The following EP400 variants were observed in gnomAD, a reference collection of about 807,000 sequenced individuals.
EP400 encodes E1A binding protein p400, also known as E1A-binding protein p400.
A neutral mutation model predicts 354.1 loss-of-function variants in EP400; 105 were observed. The ratio of observed to expected loss-of-function variants is 0.30; its 90% CI spans 0.25 to 0.35. The LOEUF (loss-of-function observed/expected upper bound fraction) is 0.35. Ranked by LOEUF, EP400 falls within the 10% of genes least tolerant of loss-of-function variation. The pLI, the probability that EP400 is intolerant of heterozygous loss-of-function variation, is 1.00. For missense variants in EP400, 3,280 were observed against 4,121.0 expected (o/e 0.80, Z 5.59); for synonymous variants, 1,646 against 1,716.9 (o/e 0.96, Z 1.02).
chr12:132,036,055 C>G (rs770519998), intron 30 of EP400, among the ~76,000 whole-genome samples: 1 of 148,108 alleles, frequency 6.8e-6, no homozygotes, highest in Non-Finnish European at 1.5e-5. Context: ...CAGGTTCACA[C>G]GGAACGTCTT....
At chr12:132,004,713 C>T (rs1330586272) in intron 12 of EP400, among the ~76,000 whole-genome samples, 2 of 152,166 alleles carry the variant, frequency 1.3e-5, no homozygotes, top group African/African-American at 4.8e-5. Context: ...TTCAGGGGTG[C>T]AAGTACAGTG....
intron 51 of EP400, 85 bp downstream of exon 51, chr12:132,069,726 C>A: frequency 6.4e-7 from 1 of 1,564,434 alleles, no homozygotes; most frequent in Non-Finnish European, 8.7e-7. Context: ...TTTGCGAGCT[C>A]CCAGCCCTTG....
chr12:131,970,601 G>C (rs972078087), intron 2 of EP400, among the ~76,000 whole-genome samples: 1 of 152,218 alleles, frequency 6.6e-6, no homozygotes, highest in South Asian at 2.1e-4. Flanking sequence ...TACTAATAGA[G>C]CACCCAGTGC....
At chr12:131,955,227 T>A (rs1048729759) in intron 1 of EP400, among the ~76,000 whole-genome samples, 4 of 152,216 alleles carry the variant, frequency 2.6e-5, no homozygotes, top group African/African-American at 9.6e-5. Context: ...GGCTATAACA[T>A]CACTGAGGTC....
intron 1 of EP400, among the ~76,000 whole-genome samples, chr12:131,955,677 C>T (rs1891672656): frequency 6.6e-6 from 1 of 150,904 alleles, no homozygotes; most frequent in South Asian, 2.1e-4. Flanking sequence ...CAGAATCTCG[C>T]TCTGTTGCCC....
At chr12:132,034,378 T>G (rs1894622617) in intron 30 of EP400, among the ~76,000 whole-genome samples, 1 of 152,206 alleles carries the variant, frequency 6.6e-6, no homozygotes, top group Non-Finnish European at 1.5e-5. Context: ...TAGACTTCAT[T>G]CATGAACATG....
intron 45 of EP400, among the ~76,000 whole-genome samples, chr12:132,061,354 G>A (rs1171142205): frequency 6.6e-6 from 1 of 152,204 alleles, no homozygotes; most frequent in Non-Finnish European, 1.5e-5. Flanking sequence ...CAGCTGGGTG[G>A]AATGGAAAAC....
intron 51 of EP400, among the ~76,000 whole-genome samples, chr12:132,074,769 G>C (rs184201207): frequency 6.6e-5 from 10 of 152,272 alleles, no homozygotes; most frequent in Admixed American, 4.6e-4. Context: ...CTTGTCTGTT[G>C]AATTTTTATC....
intron 12 of EP400, among the ~76,000 whole-genome samples, chr12:131,995,744 G>A (rs1328626372): frequency 8.2e-6 from 1 of 122,326 alleles, no homozygotes; most frequent in Non-Finnish European, 1.7e-5. Context: ...TCATGTGAAC[G>A]AATCCCACCA....
At chr12:132,024,877 A>C (rs1376389841) in intron 24 of EP400, among the ~76,000 whole-genome samples, 2 of 142,888 alleles carry the variant, frequency 1.4e-5, no homozygotes, top group African/African-American at 5.3e-5. Flanking sequence ...CCGTGACTGC[A>C]GCCTCAGCGA....
chr12:132,006,165 G>C lies in EP400; in HGVS notation c.2989G>C (p.Asp997His). The C allele has an allele frequency of 6.2e-7, 1 of 1,614,134 alleles. No individual in the cohort carries two copies. Among genetic ancestry groups the C allele is most frequent in the East Asian group, 2.2e-5 (1 of 44,882 alleles). The change falls in exon 14 of 53, where the codon GAC becomes CAC. Residue 997 changes from aspartate (D) to histidine (H), a missense_variant. Asp to His is a moderately conservative substitution (Grantham distance 81, BLOSUM62 -1). Coordinates refer to ENST00000389561, the MANE Select transcript of EP400 (RefSeq NM_015409.5). The stretch of plus-strand genomic sequence containing the variant: ...GAGTCGCAAGGACTTGGTTCTCATC[G>C]ACTCGCTTTTCATCATGGATCAGTT... ...RESRKDLVLI[D>H]SLFIMDQFKA...
chr12:132,024,014 G>C (rs1329883259), intron 24 of EP400, 73 bp downstream of exon 24: 1 of 1,424,152 alleles, frequency 7.0e-7, no homozygotes, highest in Non-Finnish European at 9.3e-7. Context: ...TGCTGCCCAC[G>C]GGCCTGCCTT....
At chr12:131,965,708 T>A (rs147742561) in intron 2 of EP400, among the ~76,000 whole-genome samples, 202 of 152,340 alleles carry the variant, frequency 1.3e-3, no homozygotes, top group Non-Finnish European at 2.5e-3. Flanking sequence ...ATCTATGGAA[T>A]CCTAGTCTGG....
Position 132,050,547 on chromosome 12 carries a change from C to T in EP400, c.7338-52C>T. Reference sequence around the variant, plus strand: ...TTTGATGTGTTTTTAACATACCCTTCTTCAGATATTTCCTTTATTTAATAA... The same window carrying T: ...TTTGATGTGTTTTTAACATACCCTTTTTCAGATATTTCCTTTATTTAATAA... On this transcript the variant is annotated intron_variant, in intron 40 of 52. Coordinates refer to ENST00000389561, the MANE Select transcript of EP400 (RefSeq NM_015409.5). This position sits in a 1 kb window ranked among gnomAD's most constrained non-coding sequence, Gnocchi z 4.8. 2 of 1,613,502 alleles carry T rather than the reference C, an allele frequency of 1.2e-6. No individual in the cohort carries two copies. The highest frequency in any genetic ancestry group is 1.7e-5 in the Admixed American group (1 of 60,016).
At chr12:131,995,621 T>A (rs908861074) in intron 12 of EP400, among the ~76,000 whole-genome samples, 29 of 142,640 alleles carry the variant, frequency 2.0e-4, no homozygotes, top group Admixed American at 1.8e-3. Context: ...CGTGAATGAA[T>A]CCACCACAGC....
chr12:131,985,427 G>A (rs878893148), intron 5 of EP400, among the ~76,000 whole-genome samples: 2 of 152,104 alleles, frequency 1.3e-5, no homozygotes, highest in East Asian at 1.9e-4. Flanking sequence ...GACCCACGTC[G>A]TGGGACGGGC....
intron 5 of EP400, among the ~76,000 whole-genome samples, chr12:131,984,323 G>C (rs1473100310): frequency 1.3e-5 from 2 of 152,160 alleles, no homozygotes; most frequent in South Asian, 2.1e-4. Flanking sequence ...TGTGATGAGC[G>C]ATTTATTGGC....
In EP400 at chr12:131,989,949, A is replaced by T. The variant is rs189981514; in HGVS notation, c.2410-15A>T. On this transcript the variant is annotated splice_polypyrimidine_tract_variant and intron_variant, in intron 7 of 52. Transcript: ENST00000389561. The stretch of plus-strand genomic sequence containing the variant: ...ATAGAGTACAACATACAATTCTTGC[A>T]CTTTTATTCACCAGCTCGTTAGAAC... 6.2e-7 allele frequency: 1 copy of T among 1,612,522 alleles called. No homozygotes were observed. Among genetic ancestry groups the T allele is most frequent in the African/African-American group, 1.3e-5 (1 of 74,820 alleles).
intron 37 of EP400, 129 bp downstream of exon 37, chr12:132,045,082 C>T: frequency 7.2e-7 from 1 of 1,395,278 alleles, no homozygotes; most frequent in Non-Finnish European, 9.6e-7. Flanking sequence ...GATCACACGC[C>T]CATCCGCTGC....
Sources: allele counts gnomAD v4.1 joint callset (sites outside exome capture counted in the v4.1 genomes callset), GRCh38; gene constraint gnomAD v4.1.1; non-coding constraint Gnocchi (gnomAD v3.1); transcripts MANE v1.5; gene names NCBI Gene and HGNC (gene_info 2026-07-23, HGNC 2026-07-21).